SLC25A48: variants seen among roughly 807,000 people sequenced by gnomAD.
The protein encoded by SLC25A48 is solute carrier family 25 member 48.
In SLC25A48, 29 loss-of-function variants were observed where a neutral mutation model predicts 32.2. The ratio of observed to expected loss-of-function variants is 0.90; its 90% confidence interval spans 0.67 to 1.23. The LOEUF (loss-of-function observed/expected upper bound fraction) is 1.23. SLC25A48 is among the 50% of genes most tolerant of loss of function. The pLI, the probability that SLC25A48 is intolerant of heterozygous loss-of-function variation, is 0.00. For synonymous variants in SLC25A48, 164 were observed against 172.3 expected, an observed-to-expected ratio of 0.95 and a Z score of 0.38; for missense variants, 399 against 422.7, an observed-to-expected ratio of 0.94 and a Z score of 0.49.
At chr5:135,794,450 C>T (rs1427859096) in intron 3 of SLC25A48, among the ~76,000 whole-genome samples, 2 of 151,730 alleles carry the variant, frequency 1.3e-5, no homozygotes, top group African/African-American at 2.4e-5. Context: ...TGATATTGTT[C>T]CTAATATCTT....
chr5:135,878,195 C>G (rs1762191078), intron 6 of SLC25A48, among the ~76,000 whole-genome samples: 1 of 152,166 alleles, frequency 6.6e-6, no homozygotes, highest in South Asian at 2.1e-4. Flanking sequence ...GGAGGGTGAG[C>G]TGTCTGCTGG....
chr5:135,734,833 A>AG (rs1225949234), intron 3 of SLC25A48, among the ~76,000 whole-genome samples: 1,578 of 141,972 alleles, frequency 0.011, 29 homozygotes, highest in African/African-American at 0.039. Context: ...AAAAAAAAAA[A>AG]AAAGAAGAAG....
rs75057004 is a variant in SLC25A48, at chr5:135,787,942, G to A, written c.-520-24581G>A. On this transcript the variant is annotated intron_variant, in intron 3 of 10. Transcript: ENST00000646290. ...ATGTTACTCCTAAAGTCACAACGGT[G>A]GTATACCCTGTGATATTATTCATAA... Among the ~76,000 whole-genome samples the A allele has an allele frequency of 8.1e-3, 1,230 of 151,720 alleles. 21 individuals are homozygous for A. Among genetic ancestry groups the A allele is most frequent in the African/African-American group, 0.028 (1,168 of 41,314 alleles).
At chr5:135,767,462 G>A (rs774049782) in intron 3 of SLC25A48, among the ~76,000 whole-genome samples, 7 of 151,822 alleles carry the variant, frequency 4.6e-5, no homozygotes, top group Non-Finnish European at 5.9e-5. Context: ...TTCTGATATC[G>A]TGGGGAGTGT....
At chr5:135,879,611 AGT>A (rs775091968) in intron 6 of SLC25A48, among the ~76,000 whole-genome samples, 428 of 119,138 alleles carry the variant, frequency 3.6e-3, no homozygotes, top group East Asian at 6.8e-3. Context: ...AGAGAGAGAG[AGT>A]GTGTGTGTGT....
chr5:135,859,975 G>T (rs2126766529), intron 4 of SLC25A48, among the ~76,000 whole-genome samples: 1 of 152,096 alleles, frequency 6.6e-6, no homozygotes, highest in South Asian at 2.1e-4. Context: ...CAGAATTCAG[G>T]CTCCTCTCCT....
chr5:135,680,645 A>C (rs1406818390), intron 3 of SLC25A48, among the ~76,000 whole-genome samples: 2 of 152,198 alleles, frequency 1.3e-5, no homozygotes, highest in Non-Finnish European at 2.9e-5. Context: ...GTGAAGGGGA[A>C]CTGCCTTTTA....
chr5:135,694,371 T>A (rs1027544593), intron 3 of SLC25A48, among the ~76,000 whole-genome samples: 3 of 152,084 alleles, frequency 2.0e-5, no homozygotes, highest in African/African-American at 7.2e-5. Flanking sequence ...CACCTTGAGG[T>A]ACCTGAAGAT....
At chr5:135,642,410 C>A (rs1752861524) in intron 3 of SLC25A48, among the ~76,000 whole-genome samples, 1 of 152,246 alleles carries the variant, frequency 6.6e-6, no homozygotes, top group African/African-American at 2.4e-5. Context: ...CAGGACTGCC[C>A]TGTCAGGGAC....
intron 3 of SLC25A48, among the ~76,000 whole-genome samples, chr5:135,805,592 A>T (rs1018547424): frequency 1.3e-5 from 2 of 151,556 alleles, no homozygotes; most frequent in Non-Finnish European, 3.0e-5. Flanking sequence ...ATATCGCAGT[A>T]TGTGTACACA....
At chr5:135,834,657 T>C, upstream of SLC25A48, 1 of 608,010 alleles carries the variant, frequency 1.6e-6, no homozygotes, top group Non-Finnish European at 2.9e-6. Context: ...TCAGCCGCCC[T>C]CCGGCACTTG....
intron 3 of SLC25A48, among the ~76,000 whole-genome samples, chr5:135,723,599 T>A (rs1156729009): frequency 6.6e-6 from 1 of 151,962 alleles, no homozygotes; most frequent in Non-Finnish European, 1.5e-5. Flanking sequence ...AATGTTGCTT[T>A]AATCACTCCT....
intron 7 of SLC25A48, chr5:135,883,368 C>A: frequency 1.0e-6 from 1 of 985,494 alleles, no homozygotes; most frequent in Non-Finnish European, 1.2e-6. Context: ...GACCCTCCCC[C>A]CATGGCCATT....
At chr5:135,630,588 C>CTT (rs869088370) in intron 2 of SLC25A48, among the ~76,000 whole-genome samples, 5,548 of 58,860 alleles carry the variant, frequency 0.094, 1,202 homozygotes, top group Non-Finnish European at 0.12. Context: ...GGCTGGGCAC[C>CTT]TTTTTTTTTT....
chr5:135,850,929 A>T (rs1346711671), intron 3 of SLC25A48, among the ~76,000 whole-genome samples: 1 of 152,206 alleles, frequency 6.6e-6, no homozygotes, highest in Non-Finnish European at 1.5e-5. Flanking sequence ...ACTTTAGACC[A>T]TGCGACCTGA....
chr5:135,829,605 A>G (rs1758152571), intron 4 of SLC25A48, among the ~76,000 whole-genome samples: 1 of 146,468 alleles, frequency 6.8e-6, no homozygotes. Flanking sequence ...CAGGAGTCCT[A>G]TGAATATGGC....
chr5:135,788,425 G>A (rs561225169), intron 3 of SLC25A48, among the ~76,000 whole-genome samples: 120 of 149,936 alleles, frequency 8.0e-4, no homozygotes, highest in African/African-American at 2.8e-3. Context: ...CCCATGTGGC[G>A]GCGGGTGTAC....
At chr5:135,828,201 C>T (rs1456204108) in intron 4 of SLC25A48, among the ~76,000 whole-genome samples, 1 of 152,226 alleles carries the variant, frequency 6.6e-6, no homozygotes, top group African/African-American at 2.4e-5. Context: ...GGGGCTGGCT[C>T]AGCTGGAAGG....
chr5:135,834,918 C>T, intron 1 of SLC25A48, 25 bp downstream of exon 1: 1 of 1,596,200 alleles, frequency 6.3e-7, no homozygotes, highest in Non-Finnish European at 8.5e-7. Flanking sequence ...CGGGGACCCC[C>T]GGTCAGAGAG....
Sources: allele counts gnomAD v4.1 joint callset (sites outside exome capture counted in the v4.1 genomes callset), GRCh38; gene constraint gnomAD v4.1.1; transcripts MANE v1.5; gene names NCBI Gene and HGNC (gene_info 2026-07-23, HGNC 2026-07-21).